Variants in NF1 observed in about 807,000 individuals in gnomAD.
NF1 encodes neurofibromin.
A neutral mutation model predicts 325.7 loss-of-function variants in NF1; 122 were observed. The ratio of observed to expected loss-of-function variants is 0.37; its 90% CI spans 0.32 to 0.44. The LOEUF (loss-of-function observed/expected upper bound fraction) is 0.44. Among genes scored for constraint, NF1 ranks in the 20% least tolerant of loss-of-function variants. NF1 has a pLI of 1.00. For synonymous variants in NF1, 1,091 were observed against 1,186.0 expected, an observed-to-expected ratio of 0.92 and a Z score of 1.65; for missense variants, 2,140 against 3,415.4, an observed-to-expected ratio of 0.63 and a Z score of 9.31.
chr17:31,151,609 T>C lies in NF1; in HGVS notation c.61-4374T>C, dbSNP rs187288268. Among the ~76,000 whole-genome samples, 4 of 152,298 alleles carry C rather than the reference T, an allele frequency of 2.6e-5. No homozygotes were observed. In the East Asian group the frequency reaches 7.7e-4, roughly 29 times the overall value. ...GTCCCTGATATGAAATGGTGTGGTA[T>C]TTGCATATAGCCTACACACATCCTC... On this transcript the variant is annotated intron_variant, in intron 1 of 57. Transcript: ENST00000358273.
chr17:31,168,174 A>G (rs1052452070), intron 4 of NF1, among the ~76,000 whole-genome samples: 2 of 152,208 alleles, frequency 1.3e-5, no homozygotes, highest in Non-Finnish European at 2.9e-5. Flanking sequence ...AAAAATACAC[A>G]TAGAATAGTA....
chr17:31,347,280 A>G (rs1387549778), intron 48 of NF1, among the ~76,000 whole-genome samples: 1 of 150,984 alleles, frequency 6.6e-6, no homozygotes, highest in Non-Finnish European at 1.5e-5. Context: ...ACCCAAACAT[A>G]TTATAAATAT....
At chr17:31,155,405 G>C (rs937928002) in intron 1 of NF1, among the ~76,000 whole-genome samples, 1 of 152,100 alleles carries the variant, frequency 6.6e-6, no homozygotes, top group Non-Finnish European at 1.5e-5. Flanking sequence ...GTAGCTGAGG[G>C]TGCTTATCTT....
intron 30 of NF1, 99 bp downstream of exon 30, chr17:31,249,218 C>G (rs971087592): frequency 7.5e-7 from 1 of 1,334,584 alleles, no homozygotes; most frequent in Non-Finnish European, 1.1e-6. Context: ...GTGTGGTTAA[C>G]TATAATACTG....
chr17:31,217,885 A>C (rs2143977835), intron 13 of NF1, among the ~76,000 whole-genome samples: 2 of 150,362 alleles, frequency 1.3e-5, no homozygotes, highest in South Asian at 4.3e-4. Flanking sequence ...GAATCGGTTG[A>C]ACCCAGGAGG....
In NF1 at chr17:31,330,351, G is replaced by A. The variant is rs764782945; in HGVS notation, c.5665G>A (p.Glu1889Lys). The A allele has an allele frequency of 6.8e-6, 11 of 1,613,740 alleles. No individual in the cohort carries two copies. Among genetic ancestry groups the A allele is most frequent in the East Asian group, 2.2e-5 (1 of 44,874 alleles). ...AACTTGTACCTTTAATTTAAAAATC[G>A]AGGGCCAGTTACTAGAGACATCAGG... ...ALTCTFNLKI[E>K]GQLLETSGLC... The change falls in exon 39 of 58, where the codon GAG (glutamate) becomes AAG (lysine). Residue 1889 changes from glutamate to lysine, a missense_variant. Glu to Lys is a moderately conservative substitution (Grantham distance 56). Around this residue, in one of 10 missense-constraint regions of NF1, gnomAD observed 180 missense variants for 435.1 expected, o/e 0.41. Transcript: ENST00000358273.
chr17:31,356,698 G>A, intron 52 of NF1, 116 bp downstream of exon 52: 1 of 1,439,598 alleles, frequency 6.9e-7, no homozygotes, highest in East Asian at 2.5e-5. Context: ...AGAAACGTTT[G>A]CCATTTCTCA....
At chr17:31,296,521 A>G (rs771437591) in intron 36 of NF1, 17 of 629,410 alleles carry the variant, frequency 2.7e-5, no homozygotes, top group Middle Eastern at 4.3e-4. Context: ...TAATCCTTCA[A>G]TTGGGCTATG....
Position 31,235,970 on chromosome 17 carries a change from T to G in NF1, c.3923T>G (p.Val1308Gly). ...CTCCTGGATCCTTTATTACGAATTG[T>G]GATCACATCCTCTGATTGGCAACAT... The part of the protein sequence containing the change: ...QKLLDPLLRI[V>G]ITSSDWQHVS... Residue 1308 changes from valine to glycine, a missense_variant, in exon 29 of 58, where the codon GTG becomes GGG. Coordinates refer to ENST00000358273, the MANE Select transcript of NF1 (RefSeq NM_001042492.3). 6.2e-7 allele frequency: 1 copy of G among 1,614,150 alleles called. No individual in the cohort carries two copies. The highest frequency in any genetic ancestry group is 8.5e-7 in the Non-Finnish European group (1 of 1,180,004).
At chr17:31,260,111 C>G (rs2067657573) in intron 33 of NF1, among the ~76,000 whole-genome samples, 1 of 152,114 alleles carries the variant, frequency 6.6e-6, no homozygotes, top group Non-Finnish European at 1.5e-5. Context: ...TAGCCTCTTT[C>G]CAAAGTTTCA....
intron 36 of NF1, chr17:31,305,441 C>G (rs775314294): frequency 6.2e-7 from 1 of 1,614,046 alleles, no homozygotes; most frequent in Non-Finnish European, 8.5e-7. Context: ...GTTGGTTGAC[C>G]CAAAGGATTC....
chr17:31,202,741 T>G (rs1198676253), intron 11 of NF1, among the ~76,000 whole-genome samples: 1 of 152,186 alleles, frequency 6.6e-6, no homozygotes, highest in Non-Finnish European at 1.5e-5. Flanking sequence ...TGAATATGCT[T>G]TGTTCCAAAA....
In NF1 at chr17:31,374,257, TC is replaced by T; in HGVS notation, c.*104del. ...TCCCCCCATGTTGTAATGCTGCACT[TC>T]CTGTTTTATAATGAACCCATCCGGT... On this transcript the variant is annotated 3_prime_UTR_variant, in exon 58 of 58. Coordinates refer to ENST00000358273, the MANE Select transcript of NF1 (RefSeq NM_001042492.3). 1.4e-6 allele frequency: 2 copies of T among 1,479,342 alleles called. No individual in the cohort carries two copies. The highest frequency in any genetic ancestry group is 9.4e-7 in the Non-Finnish European group (1 of 1,063,234). 91.6% of individuals were successfully genotyped at this position (1,479,342 alleles called of 1,614,324 possible). A position where few individuals can be genotyped will look rare whatever the true frequency, so the allele number is the denominator to read the frequency against.
chr17:31,230,419 T>C lies in NF1; in HGVS notation c.3113+37T>C, dbSNP rs760009337. 3.1e-6 allele frequency: 5 copies of C among 1,611,286 alleles called. No homozygotes were observed. The Admixed American group carries it at 8.3e-5, about 27-fold the overall frequency. ...AAAGAGCAATGTAGGGTCTTGTAAA[T>C]CTTAATATGTCCAATGAAGTACAGA... On this transcript the variant is annotated intron_variant, in intron 23 of 57. Coordinates refer to ENST00000358273, the MANE Select transcript of NF1 (RefSeq NM_001042492.3).
intron 8 of NF1, among the ~76,000 whole-genome samples, chr17:31,197,027 T>C (rs1171509434): frequency 1.3e-5 from 2 of 152,070 alleles, no homozygotes; most frequent in Non-Finnish European, 2.9e-5. Flanking sequence ...TGAGATTCCA[T>C]ATGAATTTTA....
chr17:31,229,238 G>C lies in NF1; in HGVS notation c.2623G>C (p.Gly875Arg), dbSNP rs754734571. 1.9e-6 allele frequency: 3 copies of C among 1,612,444 alleles called. No individual in the cohort carries two copies. The highest frequency in any genetic ancestry group is 2.5e-6 in the Non-Finnish European group (3 of 1,179,812). The change falls in exon 21 of 58, where the codon GGT becomes CGT. Residue 875 changes from glycine to arginine, a missense_variant. By Grantham distance (125) the Gly-to-Arg change is moderately radical. Transcript: ENST00000358273. The stretch of plus-strand genomic sequence containing the variant: ...CATGGGTCCAGTCAGTGAACGTAAG[G>C]GTTCTATGATTTCAGTGATGTCTTC... ...PPMGPVSERKGSMISVMSSEG... is the reference protein window; with the variant it reads ...PPMGPVSERKRSMISVMSSEG...
chr17:31,352,593 G>C (rs114784695), intron 51 of NF1, among the ~76,000 whole-genome samples, 179 bp downstream of exon 51: 1 of 152,260 alleles, frequency 6.6e-6, no homozygotes, highest in African/African-American at 2.4e-5. Flanking sequence ...AGTTGAGATA[G>C]AGAAATGAGA....
chr17:31,338,245 C>T (rs2069731277), intron 45 of NF1, 106 bp downstream of exon 45: 2 of 815,316 alleles, frequency 2.5e-6, no homozygotes, highest in South Asian at 2.8e-5. Context: ...AATGAAATAT[C>T]TTATATGTTA....
intron 11 of NF1, among the ~76,000 whole-genome samples, 183 bp downstream of exon 11, chr17:31,201,668 T>A (rs2066533560): frequency 6.6e-6 from 1 of 152,190 alleles, no homozygotes; most frequent in Non-Finnish European, 1.5e-5. Flanking sequence ...TTTTTCATAT[T>A]AAGTCTTGAC....
Sources: allele counts gnomAD v4.1 joint callset (sites outside exome capture counted in the v4.1 genomes callset), GRCh38; gene constraint gnomAD v4.1.1; regional missense constraint gnomAD v4.1.1; transcripts MANE v1.5; gene names NCBI Gene and HGNC (gene_info 2026-07-23, HGNC 2026-07-21).